The following CACNA2D3 variants were observed in gnomAD, a reference collection of about 807,000 sequenced individuals.
CACNA2D3 encodes the protein voltage-dependent calcium channel subunit alpha-2/delta-3.
In CACNA2D3, 60 loss-of-function variants were observed where a neutral mutation model predicts 160.6. The ratio of observed to expected loss-of-function variants is 0.37; its 90% CI spans 0.30 to 0.46. The LOEUF is 0.46. Among genes scored for constraint, CACNA2D3 ranks in the 20% least tolerant of loss-of-function variants. The pLI, the probability that CACNA2D3 is intolerant of heterozygous loss-of-function variation, is 1.00. For missense variants in CACNA2D3, 1,205 were observed against 1,365.0 expected, an observed-to-expected ratio of 0.88 and a Z score of 1.85; for synonymous variants, 558 against 492.9, an observed-to-expected ratio of 1.13 and a Z score of -1.75.
intron 28 of CACNA2D3, 132 bp downstream of exon 28, chr3:54,968,643 T>A (rs1702206878): frequency 1.5e-6 from 1 of 656,382 alleles, no homozygotes; most frequent in East Asian, 2.8e-5. Flanking sequence ...GCTGCTCAGA[T>A]TACCTTTCAT....
At chr3:54,705,304 A>G (rs1356016438) in intron 11 of CACNA2D3, among the ~76,000 whole-genome samples, 1 of 152,028 alleles carries the variant, frequency 6.6e-6, no homozygotes, top group Non-Finnish European at 1.5e-5. Flanking sequence ...GCCAAATTAT[A>G]TTGTTTGTGT....
At chr3:54,155,802 G>A (rs79165837) in intron 2 of CACNA2D3, among the ~76,000 whole-genome samples, 1 of 152,188 alleles carries the variant, frequency 6.6e-6, no homozygotes, top group South Asian at 2.1e-4. Context: ...GGCCATTGAG[G>A]AAGGTCATTC....
chr3:54,489,792 T>A (rs1048994495), intron 4 of CACNA2D3, among the ~76,000 whole-genome samples: 3 of 152,218 alleles, frequency 2.0e-5, no homozygotes, highest in African/African-American at 7.2e-5. Flanking sequence ...TTTCTCAGGC[T>A]GGAGATTCCA....
chr3:54,938,556 C>T (rs954337222), intron 27 of CACNA2D3, among the ~76,000 whole-genome samples: 8 of 152,086 alleles, frequency 5.3e-5, no homozygotes, highest in Admixed American at 5.2e-4. Flanking sequence ...AGCCAAGCAT[C>T]ATTTTGCTGA....
chr3:54,471,917 C>T lies in CACNA2D3; in HGVS notation c.382-31575C>T, dbSNP rs116392609. Among the ~76,000 whole-genome samples, 872 of 151,830 alleles carry T rather than the reference C, an allele frequency of 5.7e-3. 13 individuals carry two copies. The highest frequency in any genetic ancestry group is 0.019 in the African/African-American group (804 of 41,454). On this transcript the variant is annotated intron_variant, in intron 4 of 37. Coordinates refer to ENST00000474759, the MANE Select transcript of CACNA2D3 (RefSeq NM_018398.3). ...AATTGAGGCAGTAATAGACTACCAA[C>T]GAAAAAAAGTCCTGGACCAGATGAA... is the stretch of plus-strand genomic sequence containing the variant.
chr3:54,835,632 T>G (rs186379193), intron 14 of CACNA2D3, among the ~76,000 whole-genome samples: 10 of 152,328 alleles, frequency 6.6e-5, no homozygotes, highest in Non-Finnish European at 2.9e-5. Context: ...CTGATTATTC[T>G]GTGGAACTAA....
chr3:54,659,872 A>G (rs1370875029), intron 11 of CACNA2D3, among the ~76,000 whole-genome samples: 1 of 152,186 alleles, frequency 6.6e-6, no homozygotes, highest in African/African-American at 2.4e-5. Flanking sequence ...CTAGATGCCT[A>G]GGTGGTGCTC....
At chr3:54,946,666 G>C (rs1701622186) in intron 27 of CACNA2D3, among the ~76,000 whole-genome samples, 1 of 152,194 alleles carries the variant, frequency 6.6e-6, no homozygotes, top group East Asian at 1.9e-4. Flanking sequence ...GCAAACCTGG[G>C]GGGAGCTAGC....
chr3:54,247,909 T>G (rs1053039443), intron 2 of CACNA2D3, among the ~76,000 whole-genome samples: 2 of 152,084 alleles, frequency 1.3e-5, no homozygotes, highest in East Asian at 1.9e-4. Context: ...TAGTGGATGC[T>G]CAAACTACTG....
chr3:54,613,070 C>G (rs1198501340), intron 9 of CACNA2D3, among the ~76,000 whole-genome samples: 1 of 152,214 alleles, frequency 6.6e-6, no homozygotes, highest in Non-Finnish European at 1.5e-5. Context: ...ACTGTCTCCA[C>G]TAAGTGGATC....
chr3:54,827,254 C>T (rs1703767717), intron 14 of CACNA2D3, among the ~76,000 whole-genome samples: 1 of 152,106 alleles, frequency 6.6e-6, no homozygotes, highest in Non-Finnish European at 1.5e-5. Context: ...TGCGTAGGCA[C>T]TTGCAACGTC....
At chr3:54,996,697 G>A (rs537795386) in intron 31 of CACNA2D3, among the ~76,000 whole-genome samples, 104 of 152,296 alleles carry the variant, frequency 6.8e-4, no homozygotes, top group African/African-American at 2.3e-3. Context: ...GTGAGTCAAG[G>A]AAGTACCCCT....
At chr3:54,608,884 C>T (rs1024812764) in intron 9 of CACNA2D3, among the ~76,000 whole-genome samples, 6 of 152,266 alleles carry the variant, frequency 3.9e-5, no homozygotes, top group African/African-American at 9.6e-5. Flanking sequence ...GACCCCATGA[C>T]GTTGAAGCCA....
intron 13 of CACNA2D3, among the ~76,000 whole-genome samples, chr3:54,798,849 T>A (rs922221286): frequency 6.6e-6 from 1 of 152,232 alleles, no homozygotes; most frequent in Non-Finnish European, 1.5e-5. Flanking sequence ...ATGTTCTGTC[T>A]TGGGACATGT....
chr3:54,342,143 T>C (rs1422201981), intron 3 of CACNA2D3, among the ~76,000 whole-genome samples: 1 of 152,206 alleles, frequency 6.6e-6, no homozygotes, highest in African/African-American at 2.4e-5. Flanking sequence ...TTTAATCATA[T>C]GTAAAAGTAC....
rs973377038 is a variant in CACNA2D3 at position 54,792,641 on chromosome 3, A to T, written c.1381-24212A>T. 9.9e-5 allele frequency among the ~76,000 whole-genome samples: 15 copies of T among 151,958 alleles called. 1 individual carries two copies. The highest frequency in any genetic ancestry group is 1.3e-4 in the Non-Finnish European group (9 of 68,004). On this transcript the variant is annotated intron_variant, in intron 13 of 37. Coordinates refer to ENST00000474759, the MANE Select transcript of CACNA2D3 (RefSeq NM_018398.3). ...TCAAGATCGTCATCAGCAGCTCCAGATTTTTATCCTACCAGTATAGCCCTC... is the reference window on the plus strand; with the variant it reads ...TCAAGATCGTCATCAGCAGCTCCAGTTTTTTATCCTACCAGTATAGCCCTC...
chr3:55,055,245 C>T (rs573358707), intron 35 of CACNA2D3, among the ~76,000 whole-genome samples: 64 of 151,930 alleles, frequency 4.2e-4, no homozygotes, highest in Non-Finnish European at 6.2e-4. Context: ...ACATAATGTG[C>T]GATAAGGTCC....
intron 5 of CACNA2D3, among the ~76,000 whole-genome samples, chr3:54,559,414 T>A (rs1428358282): frequency 1.3e-5 from 2 of 152,114 alleles, no homozygotes; most frequent in Non-Finnish European, 2.9e-5. Context: ...TGTCTCAGCC[T>A]CCCAAGTAGC....
intron 4 of CACNA2D3, among the ~76,000 whole-genome samples, chr3:54,414,754 T>C (rs994608990): frequency 1.3e-5 from 2 of 151,814 alleles, no homozygotes; most frequent in Non-Finnish European, 2.9e-5. Flanking sequence ...ATTTATAAAG[T>C]GAATTCTTTC....
Sources: gnomAD v4.1 joint callset for allele counts (sites outside exome capture counted in the v4.1 genomes callset) on GRCh38, gnomAD v4.1.1 for gene constraint, MANE v1.5 for transcripts, NCBI Gene and HGNC (gene_info 2026-07-23, HGNC 2026-07-21) for gene names.